The following SOX5 variants were observed in gnomAD, a reference collection of about 807,000 sequenced individuals.
The protein encoded by SOX5 is transcription factor SOX-5.
Under a neutral mutation model 92.0 loss-of-function variants are expected in SOX5, and 9 were observed. The observed-to-expected ratio is 0.10, with a 90% CI of 0.06 to 0.17. The LOEUF is 0.17. SOX5 is among the 10% of genes least tolerant of loss of function. SOX5 has a pLI of 1.00. For missense variants in SOX5, 642 were observed against 944.5 expected (o/e 0.68, Z 4.20); for synonymous variants, 344 against 336.3 (o/e 1.02, Z -0.25).
At chr12:24,285,554 A>C (rs532149828) in intron 2 of SOX5, among the ~76,000 whole-genome samples, 1 of 152,366 alleles carries the variant, frequency 6.6e-6, no homozygotes, top group South Asian at 2.1e-4. Flanking sequence ...ATTCTACATC[A>C]GTGCCTAACA....
chr12:24,029,135 T>C (rs930498379), intron 4 of SOX5, among the ~76,000 whole-genome samples: 1 of 152,040 alleles, frequency 6.6e-6, no homozygotes, highest in African/African-American at 2.4e-5. Flanking sequence ...AATAGTAGTC[T>C]TAACAGCAAA....
At chr12:24,392,816 AG>A (rs996522732) in intron 1 of SOX5, among the ~76,000 whole-genome samples, 1 of 152,154 alleles carries the variant, frequency 6.6e-6, no homozygotes, top group African/African-American at 2.4e-5. Context: ...AGTACCCCAA[AG>A]GAACACATCT....
chr12:23,707,473 A>T (rs2091533728), intron 6 of SOX5, among the ~76,000 whole-genome samples: 1 of 152,182 alleles, frequency 6.6e-6, no homozygotes, highest in Non-Finnish European at 1.5e-5. Context: ...GGCTTCAAAA[A>T]GGATACAGTC....
chr12:24,014,582 G>A (rs889019236), intron 4 of SOX5, among the ~76,000 whole-genome samples: 3 of 152,112 alleles, frequency 2.0e-5, no homozygotes, highest in Non-Finnish European at 4.4e-5. Context: ...TAGTTAATAA[G>A]CCTTGATCTT....
chr12:24,234,000 C>T (rs1485235215), intron 3 of SOX5, among the ~76,000 whole-genome samples: 2 of 152,180 alleles, frequency 1.3e-5, no homozygotes, highest in African/African-American at 4.8e-5. Flanking sequence ...TTGTTTCATG[C>T]TCTTGGTTCA....
At chr12:23,632,466 A>C (rs2078670219) in intron 8 of SOX5, among the ~76,000 whole-genome samples, 1 of 152,076 alleles carries the variant, frequency 6.6e-6, no homozygotes, top group Non-Finnish European at 1.5e-5. Flanking sequence ...AAAAATCCTC[A>C]CATCTAGATT....
chr12:24,192,392 A>G (rs1421900263), intron 4 of SOX5, among the ~76,000 whole-genome samples: 1 of 151,072 alleles, frequency 6.6e-6, no homozygotes, highest in Non-Finnish European at 1.5e-5. Context: ...CTGTAGGAAT[A>G]TAATAGGATA....
chr12:23,839,213 C>T (rs1253849530), intron 3 of SOX5, among the ~76,000 whole-genome samples: 2 of 152,028 alleles, frequency 1.3e-5, no homozygotes, highest in Non-Finnish European at 2.9e-5. Context: ...CTCCTGTGCT[C>T]TTTCCTGTTG....
rs183873216 is a variant in SOX5 at position 23,946,711 on chromosome 12, C to T, written c.38+2853G>A. The stretch of plus-strand genomic sequence containing the variant: ...TTAGACCATGTTGCCAGCTATGTTT[C>T]CTTTAAACGGTAAAATGTAGAAGAC... On this transcript the variant is annotated intron_variant, in intron 1 of 14. Coordinates refer to ENST00000451604, the MANE Select transcript of SOX5 (RefSeq NM_006940.6). 5.2e-4 allele frequency among the ~76,000 whole-genome samples: 79 copies of T among 151,976 alleles called. 1 individual carries two copies. The highest frequency in any genetic ancestry group is 1.7e-3 in the Admixed American group (26 of 15,242).
At chr12:23,938,747 G>C (rs1343758416) in intron 1 of SOX5, among the ~76,000 whole-genome samples, 1 of 150,922 alleles carries the variant, frequency 6.6e-6, no homozygotes, top group Non-Finnish European at 1.5e-5. Context: ...TGAGCACTAA[G>C]CAGTTAGAGG....
At chr12:24,078,473 T>C (rs1287081270) in intron 4 of SOX5, among the ~76,000 whole-genome samples, 1 of 151,958 alleles carries the variant, frequency 6.6e-6, no homozygotes, top group Non-Finnish European at 1.5e-5. Flanking sequence ...GAGATAAGGG[T>C]CCTGTTTGCC....
intron 13 of SOX5, among the ~76,000 whole-genome samples, chr12:23,538,350 G>T (rs2135928379): frequency 6.6e-6 from 1 of 152,318 alleles, no homozygotes. Context: ...GAAAGCCAAT[G>T]TGAATTTATT....
chr12:24,301,958 T>G (rs150731002), intron 2 of SOX5, among the ~76,000 whole-genome samples: 2 of 152,114 alleles, frequency 1.3e-5, no homozygotes, highest in African/African-American at 2.4e-5. Context: ...AAAGTATATA[T>G]ATATATAATT....
intron 2 of SOX5, among the ~76,000 whole-genome samples, chr12:24,364,095 G>A (rs543661502): frequency 2.6e-5 from 4 of 152,182 alleles, no homozygotes; most frequent in East Asian, 3.9e-4. Context: ...ATCAGTGACC[G>A]AAGCTTTCAA....
chr12:24,091,088 A>G (rs1944580307), intron 4 of SOX5, among the ~76,000 whole-genome samples: 1 of 152,188 alleles, frequency 6.6e-6, no homozygotes, highest in Non-Finnish European at 1.5e-5. Context: ...GTTTGGTTCT[A>G]TGTTCGCCAA....
At chr12:23,587,792 A>G (rs1290830560) in intron 9 of SOX5, among the ~76,000 whole-genome samples, 1 of 152,056 alleles carries the variant, frequency 6.6e-6, no homozygotes, top group Non-Finnish European at 1.5e-5. Context: ...TATACATCCA[A>G]TTCCTTTCCA....
intron 2 of SOX5, among the ~76,000 whole-genome samples, chr12:24,341,661 A>C (rs1487534768): frequency 6.6e-6 from 1 of 152,238 alleles, no homozygotes; most frequent in African/African-American, 2.4e-5. Flanking sequence ...CCTAGTTTCC[A>C]GTGCTAACTA....
At chr12:24,413,930 G>C (rs1964564703) in intron 1 of SOX5, among the ~76,000 whole-genome samples, 1 of 152,178 alleles carries the variant, frequency 6.6e-6, no homozygotes, top group Non-Finnish European at 1.5e-5. Flanking sequence ...GTGTGCAAAA[G>C]AGACTGTCCT....
intron 4 of SOX5, among the ~76,000 whole-genome samples, chr12:24,009,028 C>T (rs1275104169): frequency 6.6e-6 from 1 of 152,176 alleles, no homozygotes; most frequent in African/African-American, 2.4e-5. Flanking sequence ...AAGAGCTTAC[C>T]ATGTGAAGAG....
Sources: allele counts gnomAD v4.1 joint callset (sites outside exome capture counted in the v4.1 genomes callset), GRCh38; gene constraint gnomAD v4.1.1; transcripts MANE v1.5; gene names NCBI Gene and HGNC (gene_info 2026-07-23, HGNC 2026-07-21).